The following CACNA2D2 variants were observed in gnomAD, a reference collection of about 807,000 sequenced individuals.
The protein encoded by CACNA2D2 is voltage-dependent calcium channel subunit alpha-2/delta-2.
A neutral mutation model predicts 166.4 loss-of-function variants in CACNA2D2; 48 were observed. That is an observed-to-expected ratio of 0.29 (90% CI 0.23 to 0.37). The LOEUF (loss-of-function observed/expected upper bound fraction) is 0.37, where lower values mean the gene tolerates loss of function less well. Among genes scored for constraint, CACNA2D2 ranks in the 10% least tolerant of loss-of-function variants. The probability of loss-of-function intolerance (pLI) is 1.00; values close to 1 mark genes in which losing one functional copy is unlikely to be tolerated. For missense variants in CACNA2D2, 1,122 were observed against 1,433.0 expected, an observed-to-expected ratio of 0.78 and a Z score of 3.50; for synonymous variants, 561 against 573.7, an observed-to-expected ratio of 0.98 and a Z score of 0.32.
rs774360859 is a variant in CACNA2D2, at chr3:50,367,711, G to A, written c.2235-7C>T. 5 of 1,612,502 alleles carry A rather than the reference G, an allele frequency of 3.1e-6. No individual in the cohort carries two copies. In the South Asian group the frequency reaches 5.5e-5, roughly 18 times the overall value. On this transcript the variant is annotated splice_polypyrimidine_tract_variant and splice_region_variant and intron_variant, in intron 25 of 37. Transcript: ENST00000424201. This position sits in a 1 kb window ranked among gnomAD's most constrained non-coding sequence, Gnocchi z 6.5. ...CACGGCCAGTAGGCTGTACCTGGGG[G>A]TAGCAGGGGGGTGGGGTCACAGGCC...
At position 50,441,677 on chromosome 3, in the gene CACNA2D2, G is replaced by A. The variant is rs547111897; in HGVS notation, c.289-7248C>T. On this transcript the variant is annotated intron_variant, in intron 2 of 37. Transcript: ENST00000424201. Reference sequence around the variant, plus strand: ...CCCTTTGCTCCTCTGAAACATACGCGAATTTCCAAACTGACTTGAAAACTG... The same window carrying A: ...CCCTTTGCTCCTCTGAAACATACGCAAATTTCCAAACTGACTTGAAAACTG... Among the ~76,000 whole-genome samples the A allele has an allele frequency of 2.0e-5, 3 of 152,336 alleles. No individual in the cohort carries two copies. The East Asian group carries it at 5.8e-4, about 29-fold the overall frequency.
chr3:50,395,571 C>A (rs1201606605), intron 3 of CACNA2D2, among the ~76,000 whole-genome samples: 1 of 152,238 alleles, frequency 6.6e-6, no homozygotes. Context: ...TCACCCCCAT[C>A]CTTGAGTCCA....
chr3:50,398,495 G>C (rs546144301), intron 3 of CACNA2D2, among the ~76,000 whole-genome samples: 103 of 152,322 alleles, frequency 6.8e-4, no homozygotes, highest in African/African-American at 2.3e-3. Flanking sequence ...GATGCACAGT[G>C]AATGTCTGCT....
Position 50,367,077 on chromosome 3 carries a change from T to C in CACNA2D2, c.2434A>G (p.Thr812Ala), listed in dbSNP as rs1375034952. ...LLRPLELENDTVGILVSTAVE... is the reference protein window; with the variant it reads ...LLRPLELENDAVGILVSTAVE... The stretch of plus-strand genomic sequence containing the variant: ...GCTGTGCTGACGAGGATGCCCACAG[T>C]GTCATTCTCCAGCTCCAGCGGCCTT... The change falls in exon 28 of 38, where the codon ACT becomes GCT. Residue 812 changes from threonine (T) to alanine (A), a missense_variant. By Grantham distance (58) the Thr-to-Ala change is moderately conservative. Transcript: ENST00000424201. The surrounding 1 kb of genome is among the most constrained non-coding windows in gnomAD (Gnocchi z 6.5). 1 of 1,613,596 alleles carries C rather than the reference T, an allele frequency of 6.2e-7. No individual in the cohort carries two copies. The highest frequency in any genetic ancestry group is 2.2e-5 in the East Asian group (1 of 44,874).
In CACNA2D2 at chr3:50,485,036, G is replaced by A. The variant is rs143302007; in HGVS notation, c.207-8837C>T. On this transcript the variant is annotated intron_variant, in intron 1 of 37. Coordinates refer to ENST00000424201, the MANE Select transcript of CACNA2D2 (RefSeq NM_006030.4). ...ATTAAGGCTCGTTTATGATGGGCCC[G>A]CCCAGGCCTGTGGCTTCCGTGCATA... Among the ~76,000 whole-genome samples, 412 of 152,314 alleles carry A rather than the reference G, an allele frequency of 2.7e-3. 1 individual carries two copies. The highest frequency in any genetic ancestry group is 6.4e-3 in the Admixed American group (98 of 15,308).
intron 4 of CACNA2D2, among the ~76,000 whole-genome samples, chr3:50,393,304 G>A (rs1214818370): frequency 6.6e-6 from 1 of 152,202 alleles, no homozygotes; most frequent in Non-Finnish European, 1.5e-5. Flanking sequence ...GCATGGCCCA[G>A]ACACCCCAGC....
At chr3:50,434,185 T>A in intron 3 of CACNA2D2, 128 bp downstream of exon 3, 1 of 697,894 alleles carries the variant, frequency 1.4e-6, no homozygotes, top group South Asian at 1.7e-5. Flanking sequence ...ACAGCCCTGC[T>A]GATGTTGGCC....
intron 2 of CACNA2D2, among the ~76,000 whole-genome samples, chr3:50,465,943 C>CTG (rs1709810710): frequency 1.3e-5 from 2 of 152,168 alleles, no homozygotes; most frequent in Non-Finnish European, 2.9e-5. Flanking sequence ...CCTGCAAACT[C>CTG]TGGAGGATGC....
intron 3 of CACNA2D2, among the ~76,000 whole-genome samples, chr3:50,417,540 C>G (rs1293617017): frequency 6.6e-6 from 1 of 152,202 alleles, no homozygotes; most frequent in Non-Finnish European, 1.5e-5. Flanking sequence ...TGCTCCCTCA[C>G]AGGGCTGGGC....
At chr3:50,402,580 C>T (rs1706498449) in intron 3 of CACNA2D2, among the ~76,000 whole-genome samples, 1 of 152,208 alleles carries the variant, frequency 6.6e-6, no homozygotes. Flanking sequence ...GGCACCTCAC[C>T]CTCAAGGAAC....
chr3:50,449,920 A>G (rs1709023063), intron 2 of CACNA2D2, among the ~76,000 whole-genome samples: 1 of 152,170 alleles, frequency 6.6e-6, no homozygotes, highest in South Asian at 2.1e-4. Flanking sequence ...ACACAATGAC[A>G]GGACTGTCAC....
chr3:50,395,547 G>T (rs563310851), intron 3 of CACNA2D2, among the ~76,000 whole-genome samples: 5 of 152,170 alleles, frequency 3.3e-5, no homozygotes, highest in Non-Finnish European at 7.3e-5. Context: ...CCGCCTCTTG[G>T]TATTCAGGAC....
intron 3 of CACNA2D2, among the ~76,000 whole-genome samples, chr3:50,399,838 C>T (rs1706355393): frequency 6.6e-6 from 1 of 152,132 alleles, no homozygotes; most frequent in Admixed American, 6.5e-5. Context: ...CTCCTGCCAC[C>T]CCTTAGAGTG....
chr3:50,377,412 C>T, intron 17 of CACNA2D2, 55 bp downstream of exon 17: 2 of 1,438,198 alleles, frequency 1.4e-6, no homozygotes, highest in Non-Finnish European at 2.0e-6. Flanking sequence ...CTCTGCTGAG[C>T]CTGCCTGTGT....
intron 3 of CACNA2D2, among the ~76,000 whole-genome samples, chr3:50,420,678 A>T (rs1707510316): frequency 6.6e-6 from 1 of 152,194 alleles, no homozygotes; most frequent in Non-Finnish European, 1.5e-5. Context: ...GTTGTCTGAC[A>T]GGTAGGTGGA....
chr3:50,400,126 T>C (rs1706368314), intron 3 of CACNA2D2, among the ~76,000 whole-genome samples: 1 of 152,228 alleles, frequency 6.6e-6, no homozygotes, highest in Admixed American at 6.5e-5. Flanking sequence ...GAGTAAATAA[T>C]ATACATATTT....
intron 4 of CACNA2D2, among the ~76,000 whole-genome samples, chr3:50,388,665 C>A (rs1320557806): frequency 2.6e-5 from 4 of 152,234 alleles, no homozygotes; most frequent in Non-Finnish European, 5.9e-5. Flanking sequence ...CTGGGGCTCA[C>A]TCAGTGTGTG....
chr3:50,429,747 GC>G (rs1707982831), intron 3 of CACNA2D2, among the ~76,000 whole-genome samples: 2 of 151,642 alleles, frequency 1.3e-5, no homozygotes, highest in African/African-American at 4.8e-5. Flanking sequence ...TCCAGGCTGG[GC>G]GACAGAGTGA....
chr3:50,385,668 C>T (rs143800761), intron 5 of CACNA2D2, among the ~76,000 whole-genome samples: 13 of 152,300 alleles, frequency 8.5e-5, no homozygotes, highest in East Asian at 5.8e-4. Context: ...ACTGCCCTTC[C>T]GCAGTGTGCC....
Sources: gnomAD v4.1 joint callset for allele counts (sites outside exome capture counted in the v4.1 genomes callset) on GRCh38, gnomAD v4.1.1 for gene constraint, Gnocchi (gnomAD v3.1) non-coding constraint, MANE v1.5 for transcripts, NCBI Gene and HGNC (gene_info 2026-07-23, HGNC 2026-07-21) for gene names.